BCL7A: variants seen among roughly 807,000 people sequenced by gnomAD.
BCL7A encodes the protein B-cell CLL/lymphoma 7 protein family member A.
Under a neutral mutation model 28.4 loss-of-function variants are expected in BCL7A, and 11 were observed. The observed-to-expected ratio is 0.39, with a 90% CI of 0.24 to 0.64. The LOEUF (loss-of-function observed/expected upper bound fraction) is 0.64. Ranked by LOEUF, BCL7A falls within the 30% of genes least tolerant of loss-of-function variation. The pLI is 0.50. For synonymous variants in BCL7A, 123 were observed against 103.3 expected (o/e 1.19, Z -1.15); for missense variants, 222 against 274.8 (o/e 0.81, Z 1.36).
Position 122,048,620 on chromosome 12 carries a change from A to G in BCL7A, c.439+4567A>G, listed in dbSNP as rs953515717. On this transcript the variant is annotated intron_variant, in intron 4 of 5. Coordinates refer to ENST00000261822, the MANE Select transcript of BCL7A (RefSeq NM_001024808.3). ...TTTAAAATTAGCTGGATGTGGTAGT[A>G]CATGCCTGTGGTCCCAGCTACTTGG... Among the ~76,000 whole-genome samples, 4 of 152,102 alleles carry G rather than the reference A, an allele frequency of 2.6e-5. No homozygotes were observed. The South Asian group carries it at 8.3e-4, about 31-fold the overall frequency.
At chr12:122,054,751 GC>G in intron 4 of BCL7A, 53 bp from the exon 5 acceptor site, 2 of 1,570,454 alleles carry the variant, frequency 1.3e-6, no homozygotes, top group Non-Finnish European at 8.7e-7. Context: ...GGCCCCACCG[GC>G]CCCGCCTCTC....
chr12:122,037,129 G>T (rs957882949), intron 3 of BCL7A, among the ~76,000 whole-genome samples: 3 of 152,214 alleles, frequency 2.0e-5, no homozygotes, highest in African/African-American at 7.2e-5. Context: ...GGCAAGGGCT[G>T]CCTGGAACTG....
chr12:122,054,747 A>C, intron 4 of BCL7A, 58 bp from the exon 5 acceptor site: 1 of 1,557,778 alleles, frequency 6.4e-7, no homozygotes, highest in Non-Finnish European at 8.7e-7. Context: ...ATTTGGCCCC[A>C]CCGGCCCCGC....
intron 3 of BCL7A, among the ~76,000 whole-genome samples, chr12:122,036,105 T>G (rs1379404722): frequency 6.6e-6 from 1 of 152,158 alleles, no homozygotes; most frequent in Non-Finnish European, 1.5e-5. Context: ...CCTCCCAAAG[T>G]GCTGGGATTA....
chr12:122,052,295 A>C (rs1884207756), intron 4 of BCL7A, among the ~76,000 whole-genome samples: 1 of 152,158 alleles, frequency 6.6e-6, no homozygotes, highest in East Asian at 1.9e-4. Context: ...TGGCCTTCCA[A>C]AGTGTTGGGA....
chr12:122,054,847 C>T lies in BCL7A; in HGVS notation c.482C>T (p.Ser161Leu). 2 of 1,614,130 alleles carry T rather than the reference C, an allele frequency of 1.2e-6. No individual in the cohort carries two copies. Among genetic ancestry groups the T allele is most frequent in the Non-Finnish European group, 1.7e-6 (2 of 1,180,036 alleles). ...EQNSQSSMEHSMNSSEKVDRQ... is the reference protein window; with the variant it reads ...EQNSQSSMEHLMNSSEKVDRQ... The stretch of plus-strand genomic sequence containing the variant: ...AATTCACAGTCCTCGATGGAACATT[C>T]GATGAACAGCTCAGAGAAAGTAGAT... The change falls in exon 5 of 6, where the codon TCG (serine) becomes TTG (leucine). Residue 161 changes from serine to leucine, a missense_variant. Coordinates refer to ENST00000261822, the MANE Select transcript of BCL7A (RefSeq NM_001024808.3).
intron 2 of BCL7A, among the ~76,000 whole-genome samples, chr12:122,034,826 C>T (rs1031390925): frequency 6.6e-5 from 10 of 152,130 alleles, no homozygotes; most frequent in Admixed American, 2.0e-4. Context: ...TCCTTTCTCC[C>T]GGGGTCTTCC....
chr12:122,056,676 C>T (rs935212385), intron 5 of BCL7A, among the ~76,000 whole-genome samples: 9 of 152,082 alleles, frequency 5.9e-5, no homozygotes, highest in African/African-American at 1.2e-4. Flanking sequence ...CATGGTGGTG[C>T]GCTCCTATAG....
At position 122,059,494 on chromosome 12, in the gene BCL7A, A is replaced by G. The variant is rs1951902643; in HGVS notation, c.*331A>G. On this transcript the variant is annotated 3_prime_UTR_variant, in exon 6 of 6. Coordinates refer to ENST00000261822, the MANE Select transcript of BCL7A (RefSeq NM_001024808.3). This position sits in a 1 kb window ranked among gnomAD's most constrained non-coding sequence, Gnocchi z 4.0. ...TCCCCCCACTTCTCTATGTAACGAT[A>G]TAAGCTATCGGAGGGTGGTACCGAT... 3 of 309,350 alleles carry G rather than the reference A, an allele frequency of 9.7e-6. No individual in the cohort carries two copies. The highest frequency in any genetic ancestry group is 6.2e-5 in the South Asian group (1 of 16,232). 19.2% of individuals were successfully genotyped at this position (309,350 alleles called of 1,614,324 possible). A position where few individuals can be genotyped will look rare whatever the true frequency, so the allele number is the denominator to read the frequency against.
At chr12:122,051,063 T>A (rs556524532) in intron 4 of BCL7A, among the ~76,000 whole-genome samples, 1 of 152,190 alleles carries the variant, frequency 6.6e-6, no homozygotes, top group East Asian at 1.9e-4. Flanking sequence ...TGGGGGTGTG[T>A]GTCTCCTTTG....
At chr12:122,038,748 C>T (rs182316183) in intron 3 of BCL7A, among the ~76,000 whole-genome samples, 148 of 152,298 alleles carry the variant, frequency 9.7e-4, no homozygotes, top group Non-Finnish European at 1.0e-3. Flanking sequence ...GCACCTTCCC[C>T]TGGCTGTGTG....
In BCL7A at chr12:122,029,910, T is replaced by A. The variant is rs1883705131; in HGVS notation, c.93-790T>A. Among the ~76,000 whole-genome samples, 1 of 152,030 alleles carries A rather than the reference T, an allele frequency of 6.6e-6. No homozygotes were observed. Among genetic ancestry groups the A allele is most frequent in the Admixed American group, 6.6e-5 (1 of 15,244 alleles). ...GTGGTGGTGGAGGAGAGGGTGGGCA[T>A]TGTTATCTCGAATGAAAACCAGTCC... On this transcript the variant is annotated intron_variant, in intron 1 of 5. Transcript: ENST00000261822. This position sits in a 1 kb window ranked among gnomAD's most constrained non-coding sequence, Gnocchi z 4.3.
intron 2 of BCL7A, 81 bp downstream of exon 2, chr12:122,030,862 T>G: frequency 2.2e-6 from 3 of 1,387,854 alleles, no homozygotes; most frequent in Non-Finnish European, 2.0e-6. Context: ...TGTCCACTGC[T>G]ACCCACCGTG....
intron 3 of BCL7A, among the ~76,000 whole-genome samples, chr12:122,038,247 C>T (rs955286921): frequency 2.3e-4 from 35 of 151,318 alleles, no homozygotes; most frequent in Admixed American, 6.6e-5. Context: ...GCCTGGCCAA[C>T]ATGGCAAAAC....
chr12:122,023,128 C>T (rs2135834110), intron 1 of BCL7A, among the ~76,000 whole-genome samples: 1 of 152,328 alleles, frequency 6.6e-6, no homozygotes, highest in South Asian at 2.1e-4. Flanking sequence ...CGAACCTTTC[C>T]GCGGCCTCGT....
intron 5 of BCL7A, among the ~76,000 whole-genome samples, chr12:122,057,176 C>T (rs1005772279): frequency 7.9e-5 from 12 of 152,262 alleles, no homozygotes; most frequent in African/African-American, 2.6e-4. Flanking sequence ...GGCTGTGAGC[C>T]GGACATGAAG....
In BCL7A at chr12:122,054,233, C is replaced by T. The variant is rs375169015; in HGVS notation, c.440-572C>T. Among the ~76,000 whole-genome samples the T allele has an allele frequency of 4.7e-4, 72 of 152,072 alleles. No homozygotes were observed. In the East Asian group the frequency reaches 0.013, roughly 27 times the overall value. On this transcript the variant is annotated intron_variant, in intron 4 of 5. Coordinates refer to ENST00000261822, the MANE Select transcript of BCL7A (RefSeq NM_001024808.3). ...CCGAGTAGGTGGGACTACAGGCGCC[C>T]GCCGCCACCACGCCCGGCTAATTTT...
chr12:122,030,367 C>T (rs2272133), intron 1 of BCL7A, among the ~76,000 whole-genome samples: 37,442 of 152,246 alleles, frequency 0.25, 5,487 homozygotes, highest in East Asian at 0.47. Context: ...GCGGGTGGCC[C>T]AGTCCACTGG....
At chr12:122,031,767 G>A (rs1565936019) in intron 2 of BCL7A, among the ~76,000 whole-genome samples, 1 of 152,106 alleles carries the variant, frequency 6.6e-6, no homozygotes, top group Non-Finnish European at 1.5e-5. Flanking sequence ...GAGGGGTGGC[G>A]CCATCCCGAC....
Sources: gnomAD v4.1 joint callset for allele counts (sites outside exome capture counted in the v4.1 genomes callset) on GRCh38, gnomAD v4.1.1 for gene constraint, Gnocchi (gnomAD v3.1) non-coding constraint, MANE v1.5 for transcripts, NCBI Gene and HGNC (gene_info 2026-07-23, HGNC 2026-07-21) for gene names.